SLC30A6: variants seen among roughly 807,000 people sequenced by gnomAD.
SLC30A6 encodes the protein solute carrier family 30 member 6, also known as zinc transporter 6.
SLC30A6 carries 55 observed loss-of-function variants against 63.0 expected under a neutral mutation model. The observed-to-expected ratio is 0.87, with a 90% CI of 0.70 to 1.09. The LOEUF is 1.09. Among genes scored for constraint, SLC30A6 ranks in the 50% least tolerant of loss-of-function variants. The pLI is 0.00. For missense variants in SLC30A6, 587 were observed against 549.2 expected (o/e 1.07, Z -0.69); for synonymous variants, 224 against 186.1 (o/e 1.20, Z -1.66).
In SLC30A6 at chr2:32,223,450, C is replaced by A. The variant is rs1686247913; in HGVS notation, c.*2737C>A. On this transcript the variant is annotated 3_prime_UTR_variant, in exon 14 of 14. Transcript: ENST00000282587. ...GTAGTTTTATAACCCATGGGCAAAT[C>A]ATCTGAGCTTTCTCATCTGTAAAGT... 6.6e-6 allele frequency: 1 copy of A among 152,220 alleles called. No individual in the cohort carries two copies. Among genetic ancestry groups the A allele is most frequent in the Non-Finnish European group, 1.5e-5 (1 of 68,044 alleles). 9.4% of individuals were successfully genotyped at this position (152,220 alleles called of 1,614,324 possible).
At chr2:32,181,578 A>C (rs1305480580) in intron 4 of SLC30A6, among the ~76,000 whole-genome samples, 1 of 152,182 alleles carries the variant, frequency 6.6e-6, no homozygotes, top group Admixed American at 6.6e-5. Context: ...TTAATAATTG[A>C]AGCTTTGGCC....
intron 13 of SLC30A6, among the ~76,000 whole-genome samples, chr2:32,219,278 C>T (rs755309395): frequency 7.9e-5 from 12 of 151,674 alleles, no homozygotes; most frequent in Non-Finnish European, 1.2e-4. Flanking sequence ...AGGGGTGATC[C>T]GCCCACCTCA....
At chr2:32,191,729 G>C (rs533438165) in intron 5 of SLC30A6, among the ~76,000 whole-genome samples, 31 of 151,940 alleles carry the variant, frequency 2.0e-4, no homozygotes, top group South Asian at 4.2e-4. Flanking sequence ...TTATCTGTTT[G>C]GGAAAAAAAA....
At position 32,205,176 on chromosome 2, in the gene SLC30A6, T is replaced by A. The variant is rs57819240; in HGVS notation, c.768+484T>A. Among the ~76,000 whole-genome samples, 38 of 152,238 alleles carry A rather than the reference T, an allele frequency of 2.5e-4. No individual in the cohort carries two copies. In the East Asian group the frequency reaches 6.6e-3, roughly 26 times the overall value. On this transcript the variant is annotated intron_variant, in intron 11 of 13. Coordinates refer to ENST00000282587, the MANE Select transcript of SLC30A6 (RefSeq NM_017964.5). ...TGGCTCACGCTTGTAATCCCAGCAC[T>A]TTGGGAGGCCAAGGCGGGCAGATCA...
chr2:32,183,168 T>TA (rs1247058134), intron 4 of SLC30A6, among the ~76,000 whole-genome samples: 2 of 150,426 alleles, frequency 1.3e-5, no homozygotes, highest in East Asian at 2.0e-4. Context: ...GCCTGGGCGA[T>TA]AGAGTGAGAC....
At chr2:32,197,220 A>T in intron 8 of SLC30A6, 124 bp from the exon 9 acceptor site, 1 of 765,504 alleles carries the variant, frequency 1.3e-6, no homozygotes, top group East Asian at 2.7e-5. Context: ...GAGGAGTAGC[A>T]TGTTCTTTTG....
intron 13 of SLC30A6, among the ~76,000 whole-genome samples, chr2:32,216,392 T>G (rs945619793): frequency 1.3e-5 from 2 of 151,998 alleles, no homozygotes; most frequent in African/African-American, 4.8e-5. Flanking sequence ...TAAAATTAGC[T>G]GGGCATGGTG....
intron 10 of SLC30A6, among the ~76,000 whole-genome samples, chr2:32,200,424 G>A (rs1684184154): frequency 6.6e-6 from 1 of 151,760 alleles, no homozygotes; most frequent in Non-Finnish European, 1.5e-5. Flanking sequence ...GGGGAAAGGT[G>A]GGGAAAAGAT....
intron 13 of SLC30A6, among the ~76,000 whole-genome samples, chr2:32,211,403 A>T (rs1353383963): frequency 1.7e-5 from 2 of 117,558 alleles, no homozygotes; most frequent in Non-Finnish European, 3.7e-5. Flanking sequence ...AAGTTTCTTA[A>T]AAACACATTA....
chr2:32,203,395 G>A, intron 10 of SLC30A6: 1 of 1,151,712 alleles, frequency 8.7e-7, no homozygotes. Flanking sequence ...ATGCCATAAG[G>A]TCTCTGGCTT....
At chr2:32,187,055 G>A (rs897929230) in intron 5 of SLC30A6, 2 of 368,030 alleles carry the variant, frequency 5.4e-6, no homozygotes, top group Non-Finnish European at 1.1e-5. Context: ...AAAAATGGGA[G>A]GACTTTTACA....
At chr2:32,195,441 T>G (rs1244763662) in intron 8 of SLC30A6, among the ~76,000 whole-genome samples, 1 of 152,128 alleles carries the variant, frequency 6.6e-6, no homozygotes, top group African/African-American at 2.4e-5. Context: ...AAATGATTTT[T>G]TAATGTTTGC....
rs993404149 is a variant in SLC30A6 at position 32,195,715 on chromosome 2, A to AT, written c.497-1623dup. Among the ~76,000 whole-genome samples the AT allele has an allele frequency of 6.7e-5, 10 of 149,896 alleles. 1 individual carries two copies. The highest frequency in any genetic ancestry group is 1.3e-4 in the Non-Finnish European group (9 of 67,556). On this transcript the variant is annotated intron_variant, in intron 8 of 13. Coordinates refer to ENST00000282587, the MANE Select transcript of SLC30A6 (RefSeq NM_017964.5). ...TTATATTATATTTATTTATTTATTT[A>AT]TTTTTTAATAGAGACAAAGTCTACC...
chr2:32,203,288 A>G, intron 10 of SLC30A6: 4 of 931,394 alleles, frequency 4.3e-6, no homozygotes, highest in South Asian at 1.3e-5. Flanking sequence ...ACCAAGAGAA[A>G]GAGGTCAACT....
At chr2:32,197,896 A>T (rs972969629) in intron 10 of SLC30A6, 70 bp downstream of exon 10, 8 of 1,577,488 alleles carry the variant, frequency 5.1e-6, no homozygotes, top group Non-Finnish European at 6.9e-6. Flanking sequence ...CATCAGCAGG[A>T]TGGATAGTGG....
intron 2 of SLC30A6, among the ~76,000 whole-genome samples, chr2:32,172,822 C>G (rs1302368589): frequency 6.6e-6 from 1 of 152,176 alleles, no homozygotes; most frequent in South Asian, 2.1e-4. Context: ...TCGTTTCTAT[C>G]CTCAAGCTTC....
chr2:32,217,744 GT>G (rs1685828074), intron 13 of SLC30A6, among the ~76,000 whole-genome samples: 1 of 152,056 alleles, frequency 6.6e-6, no homozygotes, highest in South Asian at 2.1e-4. Context: ...TCTTTGAGCA[GT>G]GTTTCATAGT....
intron 4 of SLC30A6, among the ~76,000 whole-genome samples, chr2:32,178,797 T>C (rs1481140181): frequency 2.0e-5 from 3 of 152,226 alleles, no homozygotes; most frequent in African/African-American, 7.2e-5. Context: ...CCATCAGTCT[T>C]GATTACTGCA....
intron 13 of SLC30A6, among the ~76,000 whole-genome samples, chr2:32,216,043 TAG>T (rs914913177): frequency 9.2e-5 from 14 of 152,190 alleles, no homozygotes; most frequent in Middle Eastern, 3.2e-3. Context: ...GTCTTTTTGG[TAG>T]AAAGATTATT....
Sources: gnomAD v4.1 joint callset for allele counts (sites outside exome capture counted in the v4.1 genomes callset) on GRCh38, gnomAD v4.1.1 for gene constraint, MANE v1.5 for transcripts, NCBI Gene and HGNC (gene_info 2026-07-23, HGNC 2026-07-21) for gene names.